CBFA2T3: variants seen among roughly 807,000 people sequenced by gnomAD.
The protein encoded by CBFA2T3 is CBFA2/RUNX1 partner transcriptional co-repressor 3, also known as transcriptional corepressor CBFA2T3.
In CBFA2T3, 31 loss-of-function variants were observed where a neutral mutation model predicts 58.6. The observed-to-expected ratio is 0.53, with a 90% CI of 0.40 to 0.71. The LOEUF is 0.71. Among genes scored for constraint, CBFA2T3 ranks in the 30% least tolerant of loss-of-function variants. CBFA2T3 has a pLI of 0.00. For synonymous variants in CBFA2T3, 531 were observed against 421.9 expected (o/e 1.26, Z -3.17); for missense variants, 1,076 against 963.1 (o/e 1.12, Z -1.55).
At chr16:88,947,784 C>T (rs185570951) in intron 1 of CBFA2T3, among the ~76,000 whole-genome samples, 1 of 152,004 alleles carries the variant, frequency 6.6e-6, no homozygotes, top group Non-Finnish European at 1.5e-5. Flanking sequence ...TGTGGTGGTG[C>T]GTGCCTGTAG....
At chr16:88,934,946 T>C (rs1971448461) in intron 1 of CBFA2T3, among the ~76,000 whole-genome samples, 1 of 152,196 alleles carries the variant, frequency 6.6e-6, no homozygotes, top group East Asian at 1.9e-4. Flanking sequence ...TTCACCGTGT[T>C]AGCCAGGATG....
In CBFA2T3 at chr16:88,906,735, C is replaced by T. The variant is rs766347428; in HGVS notation, c.152-5079G>A. Among the ~76,000 whole-genome samples, 83 of 152,320 alleles carry T rather than the reference C, an allele frequency of 5.4e-4. 3 individuals carry two copies. The highest frequency in any genetic ancestry group is 2.4e-4 in the African/African-American group (10 of 41,584). ...CCTGTCACTACGCCCACTTTCTAGACGGGGAAACTGAGGCCCAGAGAGGGT... is the reference window on the plus strand; with the variant it reads ...CCTGTCACTACGCCCACTTTCTAGATGGGGAAACTGAGGCCCAGAGAGGGT... On this transcript the variant is annotated intron_variant, in intron 1 of 11. Coordinates refer to ENST00000268679, the MANE Select transcript of CBFA2T3 (RefSeq NM_005187.6).
intron 1 of CBFA2T3, among the ~76,000 whole-genome samples, chr16:88,971,320 G>A (rs1046486913): frequency 6.6e-6 from 1 of 152,224 alleles, no homozygotes; most frequent in Non-Finnish European, 1.5e-5. Flanking sequence ...ATGTTGGCCA[G>A]ACTGGTCTCG....
chr16:88,898,384 G>A lies in CBFA2T3; in HGVS notation c.305-232C>T, dbSNP rs60921590. On this transcript the variant is annotated intron_variant, in intron 2 of 11. Transcript: ENST00000268679. Reference sequence around the variant, plus strand: ...CTCTGCCCTCAGGGACGCCCGGGCCGCCGTTTCCTGCTTCTCAGAGTGATT... The same window carrying A: ...CTCTGCCCTCAGGGACGCCCGGGCCACCGTTTCCTGCTTCTCAGAGTGATT... 3.4e-3 allele frequency among the ~76,000 whole-genome samples: 518 copies of A among 152,264 alleles called. 3 individuals are homozygous for A. The highest frequency in any genetic ancestry group is 0.012 in the African/African-American group (478 of 41,548).
chr16:88,921,619 G>C (rs758668149), intron 1 of CBFA2T3, among the ~76,000 whole-genome samples: 3 of 152,224 alleles, frequency 2.0e-5, no homozygotes, highest in Non-Finnish European at 2.9e-5. Flanking sequence ...GGGGCGGTTG[G>C]GGGGAGGCCT....
At chr16:88,921,005 T>C (rs997687509) in intron 1 of CBFA2T3, among the ~76,000 whole-genome samples, 5 of 152,270 alleles carry the variant, frequency 3.3e-5, no homozygotes, top group Non-Finnish European at 7.3e-5. Flanking sequence ...CAGGCTGCTC[T>C]GGAGGCAAAC....
At position 88,883,203 on chromosome 16, in the gene CBFA2T3, A is replaced by G. The variant is rs1330860805; in HGVS notation, c.1118-442T>C. 2.6e-5 allele frequency: 6 copies of G among 234,256 alleles called. No individual in the cohort carries two copies. In the East Asian group the frequency reaches 3.9e-4, roughly 15 times the overall value. The allele number at this position is 234,256 out of a possible 1,614,324, so 14.5% of individuals were successfully genotyped here. Reference sequence around the variant, plus strand: ...TGAGGATGCCTCAGTGCCAAGTCACACCATGACCTGGACCTGCCTTAGTCC... The same window carrying G: ...TGAGGATGCCTCAGTGCCAAGTCACGCCATGACCTGGACCTGCCTTAGTCC... On this transcript the variant is annotated intron_variant, in intron 7 of 11. Coordinates refer to ENST00000268679, the MANE Select transcript of CBFA2T3 (RefSeq NM_005187.6).
chr16:88,947,653 C>T lies in CBFA2T3; in HGVS notation c.151+29004G>A, dbSNP rs77700735. 6.8e-4 allele frequency among the ~76,000 whole-genome samples: 104 copies of T among 152,342 alleles called. No homozygotes were observed. In the East Asian group the frequency reaches 0.019, roughly 28 times the overall value. On this transcript the variant is annotated intron_variant, in intron 1 of 11. Transcript: ENST00000268679. ...AGTAGGCTGGGCTTGGTGGCTCACA[C>T]CTGTAATCCCAATGCTTTGGGAGGC...
chr16:88,884,070 C>T (rs945170817), intron 7 of CBFA2T3: 1 of 152,294 alleles, frequency 6.6e-6, no homozygotes, highest in Admixed American at 6.5e-5. Context: ...GGCAGCAACA[C>T]CCCAACCAAA....
intron 1 of CBFA2T3, among the ~76,000 whole-genome samples, chr16:88,975,166 C>A (rs1972799515): frequency 1.3e-5 from 1 of 79,518 alleles, no homozygotes; most frequent in African/African-American, 3.5e-5. Context: ...CCACCCTGAC[C>A]CTCTCTGCTC....
chr16:88,956,765 G>A (rs914263424), intron 1 of CBFA2T3, among the ~76,000 whole-genome samples: 11 of 152,190 alleles, frequency 7.2e-5, no homozygotes, highest in African/African-American at 2.7e-4. Flanking sequence ...TCTGCTCCTC[G>A]GCTGCTTTCC....
chr16:88,975,562 T>C (rs1355040033), intron 1 of CBFA2T3, among the ~76,000 whole-genome samples: 1 of 152,252 alleles, frequency 6.6e-6, no homozygotes, highest in Admixed American at 6.5e-5. Flanking sequence ...GAGGACGGGA[T>C]GGCAGATGCC....
intron 1 of CBFA2T3, among the ~76,000 whole-genome samples, chr16:88,924,239 C>T (rs777170795): frequency 6.6e-6 from 1 of 152,194 alleles, no homozygotes; most frequent in Non-Finnish European, 1.5e-5. Flanking sequence ...CCTCTCTGGG[C>T]CCCGCCTTCC....
chr16:88,960,223 T>A (rs1972324759), intron 1 of CBFA2T3, among the ~76,000 whole-genome samples: 1 of 152,114 alleles, frequency 6.6e-6, no homozygotes, highest in Non-Finnish European at 1.5e-5. Flanking sequence ...CTACACCTGC[T>A]GGGCTGGGAG....
intron 1 of CBFA2T3, chr16:88,941,265 G>T: frequency 1.3e-6 from 1 of 751,042 alleles, no homozygotes; most frequent in Non-Finnish European, 1.6e-6. Flanking sequence ...ACCCCGCCCG[G>T]GGCGGTCTCC....
intron 5 of CBFA2T3, among the ~76,000 whole-genome samples, chr16:88,888,804 CG>C (rs990348472): frequency 1.3e-5 from 2 of 151,704 alleles, no homozygotes; most frequent in Non-Finnish European, 2.9e-5. Flanking sequence ...CCCCGGGCCC[CG>C]GGTGGGGGCA....
intron 1 of CBFA2T3, among the ~76,000 whole-genome samples, chr16:88,918,038 G>C (rs1476525677): frequency 6.6e-6 from 1 of 152,158 alleles, no homozygotes; most frequent in Non-Finnish European, 1.5e-5. Context: ...GGCTGGCTTT[G>C]CCCTGGGGCT....
chr16:88,882,854 C>T (rs1302366783), intron 7 of CBFA2T3, 93 bp from the exon 8 acceptor site: 2 of 879,602 alleles, frequency 2.3e-6, no homozygotes, highest in Non-Finnish European at 3.7e-6. Flanking sequence ...AGGCCCCACC[C>T]GTGGGCTGTG....
rs573394385 is a variant in CBFA2T3, at chr16:88,905,442, G to C, written c.152-3786C>G. ...CCATCCTTCCCTGTTCAGTCCTCAGGATGTCACCCCACACTGGGCGGTCCT... is the reference window on the plus strand; with the variant it reads ...CCATCCTTCCCTGTTCAGTCCTCAGCATGTCACCCCACACTGGGCGGTCCT... On this transcript the variant is annotated intron_variant, in intron 1 of 11. Transcript: ENST00000268679. Among the ~76,000 whole-genome samples the C allele has an allele frequency of 3.6e-3, 548 of 152,060 alleles. 1 individual carries two copies. Among genetic ancestry groups the C allele is most frequent in the African/African-American group, 0.013 (525 of 41,466 alleles).
Sources: allele counts gnomAD v4.1 joint callset (sites outside exome capture counted in the v4.1 genomes callset), GRCh38; gene constraint gnomAD v4.1.1; transcripts MANE v1.5; gene names NCBI Gene and HGNC (gene_info 2026-07-23, HGNC 2026-07-21).